The following RSPH3 variants were observed in gnomAD, a reference collection of about 807,000 sequenced individuals.
The protein encoded by RSPH3 is radial spoke head protein 3 homolog.
A neutral mutation model predicts 43.8 loss-of-function variants in RSPH3; 21 were observed. That is an observed-to-expected ratio of 0.48 (90% CI 0.34 to 0.69). The LOEUF (loss-of-function observed/expected upper bound fraction) is 0.69. RSPH3 is among the 30% of genes least tolerant of loss of function. The probability of loss-of-function intolerance (pLI) is 0.01; values close to 1 mark genes in which losing one functional copy is unlikely to be tolerated. For missense variants in RSPH3, 487 were observed against 516.0 expected, an observed-to-expected ratio of 0.94 and a Z score of 0.54; for synonymous variants, 173 against 179.8, an observed-to-expected ratio of 0.96 and a Z score of 0.30.
downstream of RSPH3, among the ~76,000 whole-genome samples, chr6:158,968,514 G>T (rs867896482): frequency 6.6e-6 from 1 of 152,002 alleles, no homozygotes; most frequent in Non-Finnish European, 1.5e-5. Flanking sequence ...GGGATTACAG[G>T]TGTGAGCCAC....
Position 158,999,733 on chromosome 6 carries a change from TACTGG to T in RSPH3, c.-188_-184del. On this transcript the variant is annotated 5_prime_UTR_variant, in exon 1 of 8. An upstream open reading frame in the 5' UTR gains an earlier in-frame stop. Transcript: ENST00000367069. ...TTACCAGCGCAGGAGGTGGGAGCTA[TACTGG>T]GCTCGCTCCCAGCACCACAGAGACC... 1 of 1,612,488 alleles carries T rather than the reference TACTGG, an allele frequency of 6.2e-7. No individual in the cohort carries two copies. Among genetic ancestry groups the T allele is most frequent in the Non-Finnish European group, 8.5e-7 (1 of 1,179,006 alleles).
In RSPH3 at chr6:158,977,379, A is replaced by T; in HGVS notation, c.*159T>A. 1 of 608,406 alleles carries T rather than the reference A, an allele frequency of 1.6e-6. No homozygotes were observed. Among genetic ancestry groups the T allele is most frequent in the Non-Finnish European group, 2.8e-6 (1 of 352,068 alleles). The allele number at this position is 608,406 out of a possible 1,614,324, so 37.7% of individuals were successfully genotyped here. On this transcript the variant is annotated 3_prime_UTR_variant, in exon 8 of 8. Coordinates refer to ENST00000367069, the MANE Select transcript of RSPH3 (RefSeq NM_031924.8). ...GAATTCAATTTAAGTTTCATTCTCAAATTAATTTTATCACATTTGATTGGC... is the reference window on the plus strand; with the variant it reads ...GAATTCAATTTAAGTTTCATTCTCATATTAATTTTATCACATTTGATTGGC...
intron 3 of RSPH3, among the ~76,000 whole-genome samples, chr6:158,985,624 G>A (rs1213596206): frequency 3.3e-5 from 5 of 151,844 alleles, no homozygotes; most frequent in Admixed American, 6.6e-5. Flanking sequence ...TAGAGATGGC[G>A]TCTTTGGTCT....
chr6:158,995,486 G>A (rs1778560520), intron 1 of RSPH3, among the ~76,000 whole-genome samples: 1 of 152,140 alleles, frequency 6.6e-6, no homozygotes, highest in South Asian at 2.1e-4. Flanking sequence ...CCCTCATTCC[G>A]TGGCTTGTGG....
At position 158,977,347 on chromosome 6, in the gene RSPH3, A is replaced by T; in HGVS notation, c.*191T>A. 2 of 544,316 alleles carry T rather than the reference A, an allele frequency of 3.7e-6. No individual in the cohort carries two copies. Among genetic ancestry groups the T allele is most frequent in the Non-Finnish European group, 6.4e-6 (2 of 311,712 alleles). The allele number at this position is 544,316 out of a possible 1,614,324, so 33.7% of individuals were successfully genotyped here. A position where few individuals can be genotyped will look rare whatever the true frequency, so the allele number is the denominator to read the frequency against. On this transcript the variant is annotated 3_prime_UTR_variant, in exon 8 of 8. Transcript: ENST00000367069. ...AATATAGCCTTTGAATATTCTATTA[A>T]ATAAATGAATTCAATTTAAGTTTCA...
chr6:158,968,375 C>G (rs539888129), downstream of RSPH3, among the ~76,000 whole-genome samples: 1 of 152,050 alleles, frequency 6.6e-6, no homozygotes, highest in Non-Finnish European at 1.5e-5. Context: ...GCTGGGATTA[C>G]AGGCATGTAC....
intron 4 of RSPH3, 42 bp downstream of exon 4, chr6:158,983,620 T>C (rs1314612251): frequency 2.0e-6 from 3 of 1,502,848 alleles, no homozygotes; most frequent in African/African-American, 2.8e-5. Context: ...CTTTACCTCA[T>C]TTATAAAGAT....
chr6:158,993,881 C>T lies in RSPH3; in HGVS notation c.162G>A (p.Arg54=). 1 of 1,612,344 alleles carries T rather than the reference C, an allele frequency of 6.2e-7. No homozygotes were observed. Among genetic ancestry groups the T allele is most frequent in the Non-Finnish European group, 8.5e-7 (1 of 1,178,640 alleles). The change falls in exon 2 of 8, where the codon AGG becomes AGA. Residue 54 remains arginine, a synonymous_variant. Coordinates refer to ENST00000367069, the MANE Select transcript of RSPH3 (RefSeq NM_031924.8). ...GTGCATAAGTGTTACCTCGAATTAC[C>T]CTTCTGTCATACATTATGTTTCCAT... ...MHYGNIMYDR[R]VIRGNTYALQ...
At chr6:158,985,720 T>C (rs1197144906) in intron 3 of RSPH3, among the ~76,000 whole-genome samples, 1 of 151,794 alleles carries the variant, frequency 6.6e-6, no homozygotes, top group African/African-American at 2.4e-5. Context: ...TGGCCAAAAT[T>C]CTTCTTTTTG....
chr6:158,980,321 G>A (rs900782881), intron 6 of RSPH3, among the ~76,000 whole-genome samples: 1 of 152,022 alleles, frequency 6.6e-6, no homozygotes, highest in Non-Finnish European at 1.5e-5. Context: ...TCAGCTACTC[G>A]GAAGGCCGAG....
Position 158,977,465 on chromosome 6 carries a change from G to C in RSPH3, c.*73C>G. ...ACAACATAATTTCTATAACCTGAGG[G>C]GACTCGCACATCATTACCTGATTGC... On this transcript the variant is annotated 3_prime_UTR_variant, in exon 8 of 8. Coordinates refer to ENST00000367069, the MANE Select transcript of RSPH3 (RefSeq NM_031924.8). 2.3e-6 allele frequency: 3 copies of C among 1,285,092 alleles called. No individual in the cohort carries two copies. The highest frequency in any genetic ancestry group is 4.7e-5 in the East Asian group (2 of 42,986). 79.6% of individuals were successfully genotyped at this position (1,285,092 alleles called of 1,614,324 possible).
the RSPH3 span, among the ~76,000 whole-genome samples, chr6:158,967,113 T>C: frequency 1.3e-5 from 2 of 152,030 alleles, no homozygotes; most frequent in Admixed American, 6.6e-5. Flanking sequence ...TGGGCTCAGA[T>C]GATTCTCCTA....
chr6:158,972,570 T>G (rs946651632), downstream of RSPH3, among the ~76,000 whole-genome samples: 1 of 152,206 alleles, frequency 6.6e-6, no homozygotes, highest in African/African-American at 2.4e-5. Flanking sequence ...CCTTAGGGTT[T>G]CACTGACACC....
chr6:158,990,733 G>A (rs978302138), intron 2 of RSPH3, among the ~76,000 whole-genome samples: 5 of 151,748 alleles, frequency 3.3e-5, no homozygotes, highest in Non-Finnish European at 7.4e-5. Flanking sequence ...GGGTCACTTG[G>A]CTTCTTGGAT....
rs1349190299 is a variant in RSPH3 at position 158,973,647 on chromosome 6, G to A, written c.*3891C>T. On this transcript the variant is annotated 3_prime_UTR_variant, in exon 8 of 8. Coordinates refer to ENST00000367069, the MANE Select transcript of RSPH3 (RefSeq NM_031924.8). ...TGCATGTGAGGACTCAAGCCCAGTG[G>A]TCTGGCTTTGAATCTGCTTTCAAAC... 2 of 152,152 alleles carry A rather than the reference G, an allele frequency of 1.3e-5. No individual in the cohort carries two copies. The highest frequency in any genetic ancestry group is 2.9e-5 in the Non-Finnish European group (2 of 68,034). 9.4% of individuals were successfully genotyped at this position (152,152 alleles called of 1,614,324 possible). A position where few individuals can be genotyped will look rare whatever the true frequency, so the allele number is the denominator to read the frequency against.
Position 158,974,247 on chromosome 6 carries a change from C to T in RSPH3, c.*3291G>A, listed in dbSNP as rs945616810. The stretch of plus-strand genomic sequence containing the variant: ...AGCAAATGTGTGAAAAAGTCAAGTA[C>T]TGTTTATACTCCAAAAAGTATTTGG... On this transcript the variant is annotated 3_prime_UTR_variant, in exon 8 of 8. Coordinates refer to ENST00000367069, the MANE Select transcript of RSPH3 (RefSeq NM_031924.8). 2.0e-5 allele frequency: 3 copies of T among 152,168 alleles called. No homozygotes were observed. Among genetic ancestry groups the T allele is most frequent in the Non-Finnish European group, 4.4e-5 (3 of 68,036 alleles). 9.4% of individuals were successfully genotyped at this position (152,168 alleles called of 1,614,324 possible).
In RSPH3 at chr6:158,999,991, G is replaced by A. The variant is rs1778814346; in HGVS notation, c.-441C>T. ...TTGACCGTCATCCTTGAGGCCTGCG[G>A]GGCAACGGTGGCTGTCCTTGGCCCG... is the stretch of plus-strand genomic sequence containing the variant. On this transcript the variant is annotated 5_prime_UTR_variant, in exon 1 of 8. Coordinates refer to ENST00000367069, the MANE Select transcript of RSPH3 (RefSeq NM_031924.8). 6.4e-7 allele frequency: 1 copy of A among 1,562,618 alleles called. No individual in the cohort carries two copies. Among genetic ancestry groups the A allele is most frequent in the Non-Finnish European group, 8.7e-7 (1 of 1,153,484 alleles).
chr6:158,965,488 A>G, the RSPH3 span, among the ~76,000 whole-genome samples: 1 of 152,124 alleles, frequency 6.6e-6, no homozygotes, highest in Non-Finnish European at 1.5e-5. Flanking sequence ...AGTGTACTGT[A>G]TAAGTCTTGC....
rs147880570 is a variant in RSPH3 at position 158,977,839 on chromosome 6, C to T, written c.956G>A (p.Arg319His). 2.4e-3 allele frequency: 3,925 copies of T among 1,605,628 alleles called. 150 individuals are homozygous for T. In the Admixed American group the frequency reaches 0.063, roughly 26 times the overall value. The change falls in exon 8 of 8, where the codon CGT (arginine) becomes CAT (histidine). Residue 319 changes from arginine (R) to histidine (H), a missense_variant. Arg to His is a conservative substitution (Grantham distance 29, BLOSUM62 0). Coordinates refer to ENST00000367069, the MANE Select transcript of RSPH3 (RefSeq NM_031924.8). ...VGRTVLDMLIREVVEKRLCMY... is the reference protein window; with the variant it reads ...VGRTVLDMLIHEVVEKRLCMY... Reference sequence around the variant, plus strand: ...ACACAGCCTCTTTTCAACCACCTCACGGATCAACACTGAAAAGTTAAATGT... The same window carrying T: ...ACACAGCCTCTTTTCAACCACCTCATGGATCAACACTGAAAAGTTAAATGT...
Sources: allele counts gnomAD v4.1 joint callset (sites outside exome capture counted in the v4.1 genomes callset), GRCh38; gene constraint gnomAD v4.1.1; transcripts MANE v1.5; gene names NCBI Gene and HGNC (gene_info 2026-07-23, HGNC 2026-07-21).